Variants in PLEKHA8 observed in about 807,000 individuals in gnomAD.
The protein encoded by PLEKHA8 is pleckstrin homology domain-containing family A member 8.
A neutral mutation model predicts 68.2 loss-of-function variants in PLEKHA8; 36 were observed. The observed-to-expected ratio is 0.53, with a 90% CI of 0.40 to 0.70. The LOEUF (loss-of-function observed/expected upper bound fraction) is 0.70. Ranked by LOEUF, PLEKHA8 falls within the 30% of genes least tolerant of loss-of-function variation. The pLI, the probability that PLEKHA8 is intolerant of heterozygous loss-of-function variation, is 0.00. For synonymous variants in PLEKHA8, 211 were observed against 216.1 expected (o/e 0.98, Z 0.20); for missense variants, 505 against 615.4 (o/e 0.82, Z 1.90).
At chr7:30,045,043 C>A in intron 1 of PLEKHA8, 42 bp from the exon 2 acceptor site, 2 of 1,402,790 alleles carry the variant, frequency 1.4e-6, no homozygotes, top group South Asian at 1.2e-5. Context: ...GTAGTTCATA[C>A]ACAGGCAGTA....
intron 13 of PLEKHA8, among the ~76,000 whole-genome samples, chr7:30,076,209 T>C (rs1794601205): frequency 6.6e-6 from 1 of 152,126 alleles, no homozygotes; most frequent in African/African-American, 2.4e-5. Flanking sequence ...ATCATTATCA[T>C]TTTTAAATGC....
intron 1 of PLEKHA8, among the ~76,000 whole-genome samples, chr7:30,042,248 A>C (rs1312541668): frequency 6.6e-6 from 1 of 152,166 alleles, no homozygotes; most frequent in Non-Finnish European, 1.5e-5. Context: ...GGGACTTCTC[A>C]GTCTCTAGTC....
At chr7:30,067,456 C>G (rs184342477) in intron 12 of PLEKHA8, among the ~76,000 whole-genome samples, 1 of 152,124 alleles carries the variant, frequency 6.6e-6, no homozygotes, top group Non-Finnish European at 1.5e-5. Context: ...GGTGACAAAC[C>G]AAGACTCTGT....
rs1791838693 is a variant in PLEKHA8, at chr7:30,045,037, T to G, written c.41-48T>G. Reference sequence around the variant, plus strand: ...TCTATTTCTGTATCTTGGGAGGTAGTTCATACACAGGCAGTAATTGCAATG... The same window carrying G: ...TCTATTTCTGTATCTTGGGAGGTAGGTCATACACAGGCAGTAATTGCAATG... On this transcript the variant is annotated intron_variant, in intron 1 of 13. Coordinates refer to ENST00000449726, the MANE Select transcript of PLEKHA8 (RefSeq NM_001197026.2). 3 of 1,338,590 alleles carry G rather than the reference T, an allele frequency of 2.2e-6. No individual in the cohort carries two copies. In the East Asian group the frequency reaches 7.0e-5, roughly 31 times the overall value. 82.9% of individuals were successfully genotyped at this position (1,338,590 alleles called of 1,614,324 possible).
intron 13 of PLEKHA8, among the ~76,000 whole-genome samples, chr7:30,101,962 G>T (rs1795869229): frequency 6.6e-6 from 1 of 152,092 alleles, no homozygotes; most frequent in African/African-American, 2.4e-5. Flanking sequence ...AAACTTTTGT[G>T]CATCAAAGGA....
intron 12 of PLEKHA8, among the ~76,000 whole-genome samples, chr7:30,065,031 A>G (rs554307240): frequency 1.3e-5 from 2 of 152,214 alleles, no homozygotes; most frequent in East Asian, 3.9e-4. Flanking sequence ...CCCAACCCCA[A>G]TTCTGCCCAC....
chr7:30,070,727 G>C (rs1034638726), intron 12 of PLEKHA8, among the ~76,000 whole-genome samples: 1 of 152,046 alleles, frequency 6.6e-6, no homozygotes, highest in Non-Finnish European at 1.5e-5. Flanking sequence ...TATATTTTTA[G>C]TAGAGACAGG....
downstream of PLEKHA8, chr7:30,129,631 T>C (rs1796839469): frequency 6.6e-6 from 2 of 305,234 alleles, no homozygotes; most frequent in Admixed American, 8.7e-5. Flanking sequence ...TTTGGGTATA[T>C]AGTCAAATTC....
At position 30,035,995 on chromosome 7, in the gene PLEKHA8, C is replaced by T. The variant is rs371399777; in HGVS notation, c.40+7193C>T. On this transcript the variant is annotated intron_variant, in intron 1 of 13. Coordinates refer to ENST00000449726, the MANE Select transcript of PLEKHA8 (RefSeq NM_001197026.2). Reference sequence around the variant, plus strand: ...TGTAGACCAGGCATGGTGGCTCACACCTGTAATGCCAACACTTTGGGAGGC... The same window carrying T: ...TGTAGACCAGGCATGGTGGCTCACATCTGTAATGCCAACACTTTGGGAGGC... Among the ~76,000 whole-genome samples the T allele has an allele frequency of 4.1e-4, 63 of 152,198 alleles. 1 individual carries two copies. The highest frequency in any genetic ancestry group is 1.4e-3 in the African/African-American group (57 of 41,556).
Position 30,081,797 on chromosome 7 carries a change from C to G in PLEKHA8, c.*3010C>G, listed in dbSNP as rs762283418. Reference sequence around the variant, plus strand: ...GCTAACCCCTTATGAGACATTTCCACACAATTTCATCGTGCCTGTACTTTT... The same window carrying G: ...GCTAACCCCTTATGAGACATTTCCAGACAATTTCATCGTGCCTGTACTTTT... On this transcript the variant is annotated 3_prime_UTR_variant, in exon 14 of 14. Transcript: ENST00000449726. 5.5e-5 allele frequency: 54 copies of G among 985,224 alleles called. No individual in the cohort carries two copies. The highest frequency in any genetic ancestry group is 6.4e-5 in the Non-Finnish European group (53 of 829,850). The allele number at this position is 985,224 out of a possible 1,614,324, so 61.0% of individuals were successfully genotyped here.
At chr7:30,074,241 C>A in intron 13 of PLEKHA8, 109 bp downstream of exon 13, 1 of 835,350 alleles carries the variant, frequency 1.2e-6, no homozygotes, top group Non-Finnish European at 1.8e-6. Flanking sequence ...TTGTCAGAAA[C>A]AAAGTTGTGT....
intron 13 of PLEKHA8, among the ~76,000 whole-genome samples, chr7:30,121,522 G>A (rs1193274468): frequency 6.6e-6 from 1 of 152,144 alleles, no homozygotes; most frequent in African/African-American, 2.4e-5. Flanking sequence ...CCAGCTACTT[G>A]GGGGGCTGAG....
In PLEKHA8 at chr7:30,028,677, A is replaced by G. The variant is rs1790396483; in HGVS notation, c.-86A>G. 3.8e-6 allele frequency: 4 copies of G among 1,060,108 alleles called. No homozygotes were observed. The highest frequency in any genetic ancestry group is 9.6e-5 in the South Asian group (2 of 20,892). 65.7% of individuals were successfully genotyped at this position (1,060,108 alleles called of 1,614,324 possible). A position where few individuals can be genotyped will look rare whatever the true frequency, so the allele number is the denominator to read the frequency against. On this transcript the variant is annotated 5_prime_UTR_variant, in exon 1 of 14. An upstream start codon of the reference 5' UTR is lost. Coordinates refer to ENST00000449726, the MANE Select transcript of PLEKHA8 (RefSeq NM_001197026.2). ...GTGGGCGTCTGGGCAGCGCCAGGCG[A>G]TGGCCCTGCTGCTGGTGCTCCTCGC...
intron 13 of PLEKHA8, among the ~76,000 whole-genome samples, chr7:30,117,293 A>G (rs1796599014): frequency 6.6e-6 from 1 of 152,204 alleles, no homozygotes; most frequent in Admixed American, 6.5e-5. Context: ...AGCACTATAC[A>G]ATGTCTTGGC....
intron 2 of PLEKHA8, 27 bp from the exon 3 acceptor site, chr7:30,046,183 T>A (rs1016640036): frequency 4.6e-6 from 7 of 1,536,890 alleles, no homozygotes; most frequent in Non-Finnish European, 2.6e-6. Context: ...CTTCTGAGTC[T>A]CTGATCTCCC....
At chr7:30,052,598 C>T in intron 6 of PLEKHA8, 111 bp from the exon 7 acceptor site, 1 of 878,978 alleles carries the variant, frequency 1.1e-6, no homozygotes, top group Non-Finnish European at 1.6e-6. Context: ...TGTGATTGTG[C>T]CACTGTACTG....
chr7:30,105,312 A>T (rs1039470218), intron 13 of PLEKHA8, among the ~76,000 whole-genome samples: 72 of 41,336 alleles, frequency 1.7e-3, no homozygotes, highest in Non-Finnish European at 2.3e-3. Context: ...CTCTATAATT[A>T]AAAAAAAAAA....
At chr7:30,059,987 T>C (rs982441357) in intron 9 of PLEKHA8, among the ~76,000 whole-genome samples, 1 of 148,776 alleles carries the variant, frequency 6.7e-6, no homozygotes, top group African/African-American at 2.5e-5. Context: ...ATCGAGACCG[T>C]CTTGGCCAAC....
Position 30,054,858 on chromosome 7 carries a change from A to C in PLEKHA8, c.946A>C (p.Asn316His). 1 of 1,603,346 alleles carries C rather than the reference A, an allele frequency of 6.2e-7. No individual in the cohort carries two copies. The highest frequency in any genetic ancestry group is 8.5e-7 in the Non-Finnish European group (1 of 1,175,258). ...TATCCCAACTTTCTTTAGTACCATG[A>C]ACACAAGGTATTCTAGACTCTTTAA... ...EVIPTFFSTMNTSFSDIELLE... is the reference protein window; with the variant it reads ...EVIPTFFSTMHTSFSDIELLE... The change falls in exon 8 of 14, where the codon AAC (asparagine) becomes CAC (histidine). Residue 316 changes from asparagine (N) to histidine (H), a missense_variant. Asn to His is a moderately conservative substitution (Grantham distance 68). Coordinates refer to ENST00000449726, the MANE Select transcript of PLEKHA8 (RefSeq NM_001197026.2).
Sources: allele counts gnomAD v4.1 joint callset (sites outside exome capture counted in the v4.1 genomes callset), GRCh38; gene constraint gnomAD v4.1.1; transcripts MANE v1.5; gene names NCBI Gene and HGNC (gene_info 2026-07-23, HGNC 2026-07-21).